Variants in CNTNAP2 observed in about 807,000 individuals in gnomAD.
The protein encoded by CNTNAP2 is contactin associated protein 2, also known as contactin-associated protein-like 2.
CNTNAP2 carries 98 observed loss-of-function variants against 155.2 expected under a neutral mutation model. The observed-to-expected ratio is 0.63, with a 90% CI of 0.54 to 0.75. CNTNAP2 has a LOEUF of 0.75. Ranked by LOEUF, CNTNAP2 falls within the 30% of genes least tolerant of loss-of-function variation. The pLI is 0.00. For missense variants in CNTNAP2, 1,727 were observed against 1,688.1 expected (o/e 1.02, Z -0.40); for synonymous variants, 651 against 631.2 (o/e 1.03, Z -0.47).
At position 147,170,166 on chromosome 7, in the gene CNTNAP2, T is replaced by G. The variant is rs114079040; in HGVS notation, c.1348+37657T>G. Among the ~76,000 whole-genome samples the G allele has an allele frequency of 3.9e-3, 592 of 151,960 alleles. 7 individuals carry two copies. Among genetic ancestry groups the G allele is most frequent in the African/African-American group, 0.014 (566 of 41,424 alleles). On this transcript the variant is annotated intron_variant, in intron 8 of 23. Coordinates refer to ENST00000361727, the MANE Select transcript of CNTNAP2 (RefSeq NM_014141.6). The stretch of plus-strand genomic sequence containing the variant: ...GGCCACACAAGACTCTGTGCAGGGG[T>G]TTTTGTTTGCTGTTGAATTCTTGTC...
chr7:146,525,570 ATCTATCTC>A (rs1438272701), intron 1 of CNTNAP2, among the ~76,000 whole-genome samples: 2,095 of 140,198 alleles, frequency 0.015, 49 homozygotes, highest in African/African-American at 0.061. Context: ...CTATCTATCT[ATCTATCTC>A]TCTATCTATC....
At chr7:146,928,866 T>C (rs190454533) in intron 3 of CNTNAP2, among the ~76,000 whole-genome samples, 7 of 151,796 alleles carry the variant, frequency 4.6e-5, no homozygotes, top group African/African-American at 1.5e-4. Context: ...AACTGCAAGG[T>C]GGCAGGGAGG....
At chr7:146,175,958 G>T (rs1314963978) in intron 1 of CNTNAP2, among the ~76,000 whole-genome samples, 1 of 152,134 alleles carries the variant, frequency 6.6e-6, no homozygotes, top group African/African-American at 2.4e-5. Flanking sequence ...TGGGAGCTAT[G>T]GAAAGTACAG....
At chr7:147,342,575 A>G (rs78046332) in intron 9 of CNTNAP2, among the ~76,000 whole-genome samples, 1 of 152,320 alleles carries the variant, frequency 6.6e-6, no homozygotes, top group African/African-American at 2.4e-5. Flanking sequence ...GTGGTTACAC[A>G]TGAAACATAC....
intron 1 of CNTNAP2, among the ~76,000 whole-genome samples, chr7:146,251,736 A>C (rs535875382): frequency 6.6e-6 from 1 of 152,334 alleles, no homozygotes; most frequent in East Asian, 1.9e-4. Context: ...GATTATTTCC[A>C]AAGGTTACTT....
At chr7:147,340,545 A>G (rs1188987828) in intron 9 of CNTNAP2, among the ~76,000 whole-genome samples, 1 of 152,116 alleles carries the variant, frequency 6.6e-6, no homozygotes, top group Non-Finnish European at 1.5e-5. Flanking sequence ...GGACATGTTC[A>G]ACTCATCTCC....
chr7:147,405,232 GA>G (rs1796985662), intron 10 of CNTNAP2, among the ~76,000 whole-genome samples: 1 of 152,136 alleles, frequency 6.6e-6, no homozygotes, highest in Admixed American at 6.5e-5. Flanking sequence ...TAAGCCAATC[GA>G]TTTTATTTCT....
At chr7:148,072,468 A>T (rs866344440) in intron 15 of CNTNAP2, among the ~76,000 whole-genome samples, 1 of 152,254 alleles carries the variant, frequency 6.6e-6, no homozygotes, top group Non-Finnish European at 1.5e-5. Context: ...TATAGACACT[A>T]AAAACTTGAA....
At chr7:148,144,662 C>T (rs1805141643) in intron 16 of CNTNAP2, among the ~76,000 whole-genome samples, 1 of 152,322 alleles carries the variant, frequency 6.6e-6, no homozygotes, top group East Asian at 1.9e-4. Flanking sequence ...ATGTTTGGCA[C>T]AGTGTTCTTT....
chr7:146,263,800 A>G (rs1331080677), intron 1 of CNTNAP2, among the ~76,000 whole-genome samples: 1 of 152,222 alleles, frequency 6.6e-6, no homozygotes, highest in East Asian at 1.9e-4. Flanking sequence ...ATAAAGGGAA[A>G]ATAGAAACAT....
intron 13 of CNTNAP2, among the ~76,000 whole-genome samples, chr7:147,811,235 T>C (rs1798174541): frequency 6.6e-6 from 1 of 152,084 alleles, no homozygotes; most frequent in South Asian, 2.1e-4. Context: ...GCTGGGACTA[T>C]AGGCACGTGC....
chr7:147,627,119 G>T (rs1311048298), intron 12 of CNTNAP2, among the ~76,000 whole-genome samples: 1 of 152,146 alleles, frequency 6.6e-6, no homozygotes, highest in African/African-American at 2.4e-5. Flanking sequence ...GGTAAGGGGG[G>T]AAGCACCACA....
intron 1 of CNTNAP2, among the ~76,000 whole-genome samples, chr7:146,309,046 A>T (rs1020848732): frequency 1.3e-5 from 2 of 152,170 alleles, no homozygotes; most frequent in Admixed American, 1.3e-4. Flanking sequence ...TTTTAAACCC[A>T]TTTTACTCTG....
At chr7:147,923,211 T>G (rs150017351) in intron 14 of CNTNAP2, among the ~76,000 whole-genome samples, 196 of 152,312 alleles carry the variant, frequency 1.3e-3, no homozygotes, top group African/African-American at 4.5e-3. Flanking sequence ...GAACGTGACA[T>G]GTTTTTGACA....
chr7:147,289,200 A>G (rs890142244), intron 8 of CNTNAP2, among the ~76,000 whole-genome samples: 1 of 152,198 alleles, frequency 6.6e-6, no homozygotes, highest in African/African-American at 2.4e-5. Context: ...CAGAGGATTG[A>G]TATTGTCATT....
chr7:147,039,192 G>A (rs1422540635), intron 3 of CNTNAP2, among the ~76,000 whole-genome samples: 3 of 124,286 alleles, frequency 2.4e-5, no homozygotes, highest in Admixed American at 7.4e-5. Flanking sequence ...ACATATATGT[G>A]TATGTGTGTA....
intron 9 of CNTNAP2, among the ~76,000 whole-genome samples, chr7:147,390,963 A>G (rs1796705218): frequency 6.6e-6 from 1 of 152,120 alleles, no homozygotes; most frequent in Non-Finnish European, 1.5e-5. Flanking sequence ...TCATTCCACT[A>G]GGCCATCTGC....
intron 1 of CNTNAP2, among the ~76,000 whole-genome samples, chr7:146,304,409 G>A (rs866179070): frequency 9.2e-5 from 14 of 152,118 alleles, no homozygotes; most frequent in South Asian, 2.1e-4. Context: ...GGCTGGTACC[G>A]GTTGTTCCTT....
chr7:147,161,590 T>G (rs951589777), intron 8 of CNTNAP2: 3 of 150,452 alleles, frequency 2.0e-5, no homozygotes, highest in Non-Finnish European at 4.4e-5. Flanking sequence ...TGATTCCAAC[T>G]TAAAAGAAAA....
Sources: allele counts gnomAD v4.1 joint callset (sites outside exome capture counted in the v4.1 genomes callset), GRCh38; gene constraint gnomAD v4.1.1; transcripts MANE v1.5; gene names NCBI Gene and HGNC (gene_info 2026-07-23, HGNC 2026-07-21).